Variants in PATJ observed in about 807,000 individuals in gnomAD.
PATJ encodes the protein PATJ crumbs cell polarity complex component.
Under a neutral mutation model 224.9 loss-of-function variants are expected in PATJ, and 190 were observed. The observed-to-expected ratio is 0.84, with a 90% CI of 0.75 to 0.95. PATJ has a LOEUF of 0.95. Among genes scored for constraint, PATJ ranks in the 40% least tolerant of loss-of-function variants. The pLI, the probability that PATJ is intolerant of heterozygous loss-of-function variation, is 0.00. For synonymous variants in PATJ, 769 were observed against 820.3 expected (o/e 0.94, Z 1.07); for missense variants, 2,121 against 2,270.3 (o/e 0.93, Z 1.34).
At chr1:61,751,986 A>G (rs923363785) in intron 1 of PATJ, among the ~76,000 whole-genome samples, 2 of 151,916 alleles carry the variant, frequency 1.3e-5, no homozygotes, top group African/African-American at 4.8e-5. Context: ...TAAAAATACA[A>G]AATTAGCCCA....
rs1336415648 is a variant in PATJ, at chr1:61,827,510, G to A, written c.1907G>A (p.Cys636Tyr). ...EVPPPFTLVC[C>Y]RRLFDDEASV... Reference sequence around the variant, plus strand: ...CCACCCCCTTTTACTTTGGTTTGCTGTCGGAGGTTGTTTGATGATGAAGCT... The same window carrying A: ...CCACCCCCTTTTACTTTGGTTTGCTATCGGAGGTTGTTTGATGATGAAGCT... The change falls in exon 16 of 44, where the codon TGT (cysteine) becomes TAT (tyrosine). Residue 636 changes from cysteine to tyrosine, a missense_variant. Cys to Tyr is a radical substitution (Grantham distance 194, BLOSUM62 -2). Transcript: ENST00000642238. The A allele has an allele frequency of 6.2e-7, 1 of 1,613,938 alleles. No individual in the cohort carries two copies. The highest frequency in any genetic ancestry group is 2.2e-5 in the East Asian group (1 of 44,882).
At chr1:62,117,998 C>T (rs77576042) in intron 37 of PATJ, among the ~76,000 whole-genome samples, 1 of 152,216 alleles carries the variant, frequency 6.6e-6, no homozygotes, top group African/African-American at 2.4e-5. Context: ...GGCCTTTGTT[C>T]AGAAGGTGCT....
intron 31 of PATJ, among the ~76,000 whole-genome samples, chr1:62,071,011 G>C (rs6668600): frequency 0.35 from 52,563 of 152,030 alleles, 9,517 homozygotes; most frequent in Non-Finnish European, 0.42. Flanking sequence ...GGTGAAGAAA[G>C]GCTGTGTGAA....
Position 61,914,594 on chromosome 1 carries a change from C to G in PATJ, c.3500C>G (p.Pro1167Arg). ...QSLSSTPRVI[P>R]NVHNKANKIT... ...CTTTTTTTGTCACCATAGGTCATTC[C>G]TAACGTACATAACAAGGCCAACAAA... The change falls in exon 26 of 44, where the codon CCT (proline) becomes CGT (arginine). Residue 1167 changes from proline to arginine, a missense_variant. By Grantham distance (103) the Pro-to-Arg change is moderately radical. Transcript: ENST00000642238. 6.5e-7 allele frequency: 1 copy of G among 1,529,610 alleles called. No individual in the cohort carries two copies. The highest frequency in any genetic ancestry group is 1.7e-5 in the Admixed American group (1 of 58,444). 94.8% of individuals were successfully genotyped at this position (1,529,610 alleles called of 1,614,324 possible).
At chr1:61,778,524 T>G (rs1647063925) in intron 7 of PATJ, among the ~76,000 whole-genome samples, 1 of 152,136 alleles carries the variant, frequency 6.6e-6, no homozygotes, top group South Asian at 2.1e-4. Context: ...AAAGGACTAT[T>G]ATAATACCCC....
chr1:61,833,723 G>A lies in PATJ; in HGVS notation c.2050G>A (p.Val684Ile), dbSNP rs989402655. The change falls in exon 17 of 44, where the codon GTC (valine) becomes ATC (isoleucine). Residue 684 changes from valine to isoleucine, a missense_variant. Val to Ile is a conservative substitution (Grantham distance 29, BLOSUM62 3). Transcript: ENST00000642238. ...GGAATTAGCACTGTGGTCCCCTGAAGTCAAGATTGTTGAACTAGTAAAAGA... is the reference window on the plus strand; with the variant it reads ...GGAATTAGCACTGTGGTCCCCTGAAATCAAGATTGTTGAACTAGTAAAAGA... ...DGELALWSPEVKIVELVKDCK... is the reference protein window; with the variant it reads ...DGELALWSPEIKIVELVKDCK... The A allele has an allele frequency of 2.5e-6, 4 of 1,613,562 alleles. No individual in the cohort carries two copies. The highest frequency in any genetic ancestry group is 2.7e-5 in the African/African-American group (2 of 74,904).
chr1:62,099,515 A>G (rs142844678), intron 33 of PATJ, among the ~76,000 whole-genome samples: 155 of 152,160 alleles, frequency 1.0e-3, no homozygotes, highest in Middle Eastern at 6.8e-3. Context: ...TCTGTAGTTA[A>G]AATGTCCCTT....
chr1:62,013,290 T>C (rs1324151652), intron 28 of PATJ: 7 of 937,486 alleles, frequency 7.5e-6, no homozygotes, highest in Non-Finnish European at 8.9e-6. Context: ...CAGTTAGATT[T>C]CCTACATGCT....
At chr1:61,989,709 G>A (rs1017761235) in intron 27 of PATJ, among the ~76,000 whole-genome samples, 8 of 152,146 alleles carry the variant, frequency 5.3e-5, no homozygotes, top group Non-Finnish European at 1.2e-4. Flanking sequence ...ACTTTGTGTT[G>A]ATTGACTTAG....
chr1:61,916,320 A>T (rs1490924707), intron 26 of PATJ, among the ~76,000 whole-genome samples: 1 of 152,144 alleles, frequency 6.6e-6, no homozygotes, highest in Non-Finnish European at 1.5e-5. Flanking sequence ...GTGTGTATAT[A>T]TGATATTTTT....
At chr1:62,146,822 T>C (rs984678016) in intron 41 of PATJ, among the ~76,000 whole-genome samples, 7 of 151,340 alleles carry the variant, frequency 4.6e-5, no homozygotes. Context: ...GAAAAACCAA[T>C]AGAATTTCAT....
chr1:61,969,522 A>T (rs1682644907), intron 27 of PATJ, among the ~76,000 whole-genome samples: 1 of 152,098 alleles, frequency 6.6e-6, no homozygotes, highest in Non-Finnish European at 1.5e-5. Flanking sequence ...CCATGTTTGG[A>T]GAAATGTCTG....
intron 10 of PATJ, among the ~76,000 whole-genome samples, chr1:61,796,566 T>G (rs190945700): frequency 1.3e-5 from 2 of 152,356 alleles, no homozygotes; most frequent in Admixed American, 6.5e-5. Context: ...GTGACAAATT[T>G]GAATTTGCTT....
chr1:61,907,856 C>T (rs1672067832), intron 24 of PATJ, among the ~76,000 whole-genome samples: 1 of 152,180 alleles, frequency 6.6e-6, no homozygotes, highest in Admixed American at 6.5e-5. Flanking sequence ...ATTTATTGAA[C>T]ACATAAATAG....
intron 43 of PATJ, among the ~76,000 whole-genome samples, chr1:62,154,138 C>T (rs752009499): frequency 6.6e-6 from 1 of 152,150 alleles, no homozygotes; most frequent in Non-Finnish European, 1.5e-5. Flanking sequence ...TCAGGCGATC[C>T]ACCTGCCTCG....
chr1:62,027,691 T>C lies in PATJ; in HGVS notation c.3959+9744T>C, dbSNP rs1166995585. Among the ~76,000 whole-genome samples, 4 of 149,628 alleles carry C rather than the reference T, an allele frequency of 2.7e-5. No homozygotes were observed. The Admixed American group carries it at 2.7e-4, about 10-fold the overall frequency. On this transcript the variant is annotated intron_variant, in intron 29 of 43. Transcript: ENST00000642238. ...CTAATGAGTGTAAGGTGGTATCTCA[T>C]TGTGATTTTGATGTGCATGATTTGC...
intron 27 of PATJ, among the ~76,000 whole-genome samples, chr1:61,958,864 A>G (rs1269889832): frequency 1.3e-5 from 2 of 152,168 alleles, no homozygotes; most frequent in Non-Finnish European, 2.9e-5. Flanking sequence ...AATTCCTTCT[A>G]GTCCTGTGAT....
intron 10 of PATJ, 25 bp downstream of exon 10, chr1:61,795,583 G>C (rs374327694): frequency 3.2e-5 from 46 of 1,424,856 alleles, no homozygotes; most frequent in Non-Finnish European, 4.4e-5. Flanking sequence ...TCTGTTTTAG[G>C]TTTGATTCTA....
At chr1:62,133,993 G>T (rs1027659013) in intron 41 of PATJ, among the ~76,000 whole-genome samples, 1 of 151,950 alleles carries the variant, frequency 6.6e-6, no homozygotes, top group Non-Finnish European at 1.5e-5. Flanking sequence ...TGATCCGCCT[G>T]CCTTGGCCTC....
Sources: allele counts gnomAD v4.1 joint callset (sites outside exome capture counted in the v4.1 genomes callset), GRCh38; gene constraint gnomAD v4.1.1; transcripts MANE v1.5; gene names NCBI Gene and HGNC (gene_info 2026-07-23, HGNC 2026-07-21).